Variants in SND1 observed in about 807,000 individuals in gnomAD.
SND1 encodes the protein staphylococcal nuclease and tudor domain containing 1.
SND1 carries 38 observed loss-of-function variants against 121.7 expected under a neutral mutation model. That is an observed-to-expected ratio of 0.31 (90% CI 0.24 to 0.41). SND1 has a LOEUF of 0.41. SND1 is among the 10% of genes least tolerant of loss of function. SND1 has a pLI of 1.00. For missense variants in SND1, 868 were observed against 1,184.6 expected, an observed-to-expected ratio of 0.73 and a Z score of 3.92; for synonymous variants, 401 against 447.4, an observed-to-expected ratio of 0.90 and a Z score of 1.31.
At chr7:127,955,364 A>G (rs1455908378) in intron 15 of SND1, among the ~76,000 whole-genome samples, 1 of 152,050 alleles carries the variant, frequency 6.6e-6, no homozygotes, top group South Asian at 2.1e-4. Context: ...TAGGGCACTG[A>G]TATATATCTG....
At chr7:127,753,595 G>A (rs1797141739) in intron 10 of SND1, among the ~76,000 whole-genome samples, 1 of 152,156 alleles carries the variant, frequency 6.6e-6, no homozygotes, top group African/African-American at 2.4e-5. Context: ...GGCTCCTAGG[G>A]TGCCTAGGTG....
chr7:127,894,215 T>C (rs536460708), intron 13 of SND1, among the ~76,000 whole-genome samples: 5 of 152,226 alleles, frequency 3.3e-5, no homozygotes, highest in African/African-American at 1.2e-4. Context: ...TTTGTAGCAG[T>C]GACTTGTAAA....
At chr7:128,024,936 T>C (rs1464619279) in intron 16 of SND1, among the ~76,000 whole-genome samples, 2 of 152,208 alleles carry the variant, frequency 1.3e-5, no homozygotes, top group Non-Finnish European at 2.9e-5. Context: ...TAAGACCTCC[T>C]CCACACTGCA....
intron 16 of SND1, among the ~76,000 whole-genome samples, chr7:127,995,625 C>A (rs1414916825): frequency 1.3e-5 from 2 of 152,214 alleles, no homozygotes; most frequent in African/African-American, 4.8e-5. Context: ...CCACCCTTTC[C>A]TTTTTGCGGC....
chr7:128,025,730 G>T (rs1048633126), intron 16 of SND1, among the ~76,000 whole-genome samples: 1 of 152,164 alleles, frequency 6.6e-6, no homozygotes, highest in Non-Finnish European at 1.5e-5. Flanking sequence ...ATGGATCAAA[G>T]GGCAGGCCTA....
intron 16 of SND1, among the ~76,000 whole-genome samples, chr7:128,016,763 T>G (rs1036221869): frequency 6.6e-6 from 1 of 152,174 alleles, no homozygotes; most frequent in Non-Finnish European, 1.5e-5. Flanking sequence ...CTTGTGTAGA[T>G]TACATGTCTT....
intron 15 of SND1, among the ~76,000 whole-genome samples, chr7:127,937,502 C>T (rs917372966): frequency 6.6e-6 from 1 of 151,992 alleles, no homozygotes; most frequent in East Asian, 1.9e-4. Flanking sequence ...CTCTCTCTCC[C>T]TCTCCCTCCC....
intron 15 of SND1, among the ~76,000 whole-genome samples, chr7:127,952,575 C>T (rs890797369): frequency 6.6e-6 from 1 of 150,594 alleles, no homozygotes; most frequent in African/African-American, 2.4e-5. Flanking sequence ...CCTGGAGATT[C>T]CTCAGTAGAT....
intron 15 of SND1, among the ~76,000 whole-genome samples, chr7:127,932,295 G>A (rs1045834236): frequency 6.6e-6 from 1 of 152,222 alleles, no homozygotes; most frequent in African/African-American, 2.4e-5. Flanking sequence ...GACTTCAATG[G>A]AGGAAGTAAC....
chr7:128,091,285 C>CA (rs1440171929), intron 22 of SND1, among the ~76,000 whole-genome samples: 7 of 152,196 alleles, frequency 4.6e-5, no homozygotes, highest in Non-Finnish European at 7.3e-5. Flanking sequence ...GTGCCGGAAT[C>CA]ACGACTCACT....
intron 12 of SND1, among the ~76,000 whole-genome samples, chr7:127,875,910 C>T (rs761905599): frequency 5.3e-5 from 8 of 152,210 alleles, no homozygotes; most frequent in South Asian, 2.1e-4. Flanking sequence ...GTGTGTGCCT[C>T]CTTGGTTCTT....
In SND1 at chr7:127,987,343, G is replaced by A. The variant is rs1374746693; in HGVS notation, c.1670-3604G>A. On this transcript the variant is annotated intron_variant, in intron 15 of 23. Transcript: ENST00000354725. The stretch of plus-strand genomic sequence containing the variant: ...TTTATTGCATCACCAGCCCAGCAGT[G>A]CAGGCATTGCTTGAGGAAAGGTGCA... Among the ~76,000 whole-genome samples the A allele has an allele frequency of 2.6e-5, 4 of 152,174 alleles. No homozygotes were observed. In the East Asian group the frequency reaches 7.7e-4, roughly 29 times the overall value.
At chr7:127,703,434 C>A in intron 7 of SND1, 111 bp downstream of exon 7, 1 of 1,306,100 alleles carries the variant, frequency 7.7e-7, no homozygotes, top group Non-Finnish European at 1.0e-6. Context: ...AAGATATTGG[C>A]CAGTTGTGGT....
intron 13 of SND1, among the ~76,000 whole-genome samples, chr7:127,900,434 CTA>C (rs1800206306): frequency 6.6e-6 from 1 of 152,178 alleles, no homozygotes; most frequent in African/African-American, 2.4e-5. Flanking sequence ...TCTGGATGAA[CTA>C]GAGACTGCAA....
At chr7:127,887,605 G>A (rs1180596837) in intron 12 of SND1, among the ~76,000 whole-genome samples, 1 of 150,188 alleles carries the variant, frequency 6.7e-6, no homozygotes, top group African/African-American at 2.4e-5. Context: ...ATAACATTCT[G>A]TAAATAGCCT....
intron 10 of SND1, among the ~76,000 whole-genome samples, chr7:127,781,964 T>A (rs1180037006): frequency 6.6e-6 from 1 of 152,182 alleles, no homozygotes; most frequent in African/African-American, 2.4e-5. Flanking sequence ...TAAGACAACA[T>A]CCCATAAAAT....
At chr7:127,950,314 G>A (rs1323081501) in intron 15 of SND1, among the ~76,000 whole-genome samples, 2 of 152,130 alleles carry the variant, frequency 1.3e-5, no homozygotes, top group African/African-American at 4.8e-5. Flanking sequence ...TCCCCACCTA[G>A]TCTAAGTTTA....
chr7:127,671,084 G>GT (rs1795507584), intron 1 of SND1, among the ~76,000 whole-genome samples: 1 of 152,212 alleles, frequency 6.6e-6, no homozygotes, highest in African/African-American at 2.4e-5. Context: ...GAAGTTGCAT[G>GT]TGCATGGAGA....
intron 10 of SND1, among the ~76,000 whole-genome samples, chr7:127,770,846 T>G (rs1797500819): frequency 6.6e-6 from 1 of 152,240 alleles, no homozygotes. Flanking sequence ...TAAAATGCGG[T>G]AGTCCCTTTA....
Sources: gnomAD v4.1 joint callset for allele counts (sites outside exome capture counted in the v4.1 genomes callset) on GRCh38, gnomAD v4.1.1 for gene constraint, MANE v1.5 for transcripts, NCBI Gene and HGNC (gene_info 2026-07-23, HGNC 2026-07-21) for gene names.